USH2A: variants seen among roughly 807,000 people sequenced by gnomAD.
The protein encoded by USH2A is Usher syndrome 2A (autosomal recessive, mild).
In USH2A, 443 loss-of-function variants were observed where a neutral mutation model predicts 538.9. That is an observed-to-expected ratio of 0.82 (90% CI 0.76 to 0.89). The LOEUF is 0.89. Ranked by LOEUF, USH2A falls within the 40% of genes least tolerant of loss-of-function variation. USH2A has a pLI of 0.00. For missense variants in USH2A, 6,633 were observed against 6,324.8 expected (o/e 1.05, Z -1.65); for synonymous variants, 2,413 against 2,273.5 (o/e 1.06, Z -1.75).
intron 38 of USH2A, among the ~76,000 whole-genome samples, chr1:215,924,448 T>C (rs1032785271): frequency 1.4e-4 from 22 of 152,090 alleles, no homozygotes; most frequent in African/African-American, 2.9e-4. Flanking sequence ...TAAATGTTCA[T>C]AGAATTTTAT....
chr1:215,759,319 C>T (rs59556650), intron 57 of USH2A, among the ~76,000 whole-genome samples: 10,665 of 152,022 alleles, frequency 0.07, 739 homozygotes, highest in East Asian at 0.36. Context: ...AGAGAGTTGA[C>T]GGAAAACAAA....
chr1:216,223,501 G>A (rs1170866268), intron 14 of USH2A, among the ~76,000 whole-genome samples: 2 of 152,130 alleles, frequency 1.3e-5, no homozygotes, highest in Non-Finnish European at 1.5e-5. Flanking sequence ...TCCAAACATG[G>A]TTAAGCCTCG....
chr1:216,163,321 G>A (rs1261073372), intron 21 of USH2A, among the ~76,000 whole-genome samples: 2 of 151,712 alleles, frequency 1.3e-5, no homozygotes, highest in African/African-American at 2.4e-5. Context: ...CATTTTCATT[G>A]ATTTTATTGA....
intron 44 of USH2A, among the ~76,000 whole-genome samples, chr1:215,859,045 G>A (rs1013961135): frequency 1.3e-5 from 2 of 152,116 alleles, no homozygotes; most frequent in Non-Finnish European, 2.9e-5. Context: ...ATCGGAGAAA[G>A]GGAGAGAAGG....
At chr1:215,655,917 G>A (rs892894454) in intron 64 of USH2A, among the ~76,000 whole-genome samples, 2 of 151,814 alleles carry the variant, frequency 1.3e-5, no homozygotes, top group African/African-American at 4.8e-5. Context: ...TTGTAGTTTA[G>A]TAGAGATGGG....
intron 50 of USH2A, among the ~76,000 whole-genome samples, chr1:215,796,018 A>G (rs1662122567): frequency 8.0e-6 from 1 of 125,540 alleles, no homozygotes; most frequent in Non-Finnish European, 1.8e-5. Context: ...TGTTTTTCAA[A>G]TAAAAAATAG....
chr1:216,196,921 A>G (rs1488469751), intron 18 of USH2A, among the ~76,000 whole-genome samples, 199 bp from the exon 19 acceptor site: 1 of 152,210 alleles, frequency 6.6e-6, no homozygotes, highest in African/African-American at 2.4e-5. Context: ...TATATTCTCC[A>G]TCTTCATATT....
chr1:216,148,531 C>A (rs1486216923), intron 21 of USH2A, among the ~76,000 whole-genome samples: 1 of 152,124 alleles, frequency 6.6e-6, no homozygotes, highest in Non-Finnish European at 1.5e-5. Context: ...CCACTCAATG[C>A]CAATATCCCA....
rs553467018 is a variant in USH2A, at chr1:216,283,117, C to T, written c.1971+6163G>A. 1.7e-4 allele frequency among the ~76,000 whole-genome samples: 26 copies of T among 152,164 alleles called. No homozygotes were observed. In the South Asian group the frequency reaches 1.9e-3, roughly 11 times the overall value. On this transcript the variant is annotated intron_variant, in intron 11 of 71. Coordinates refer to ENST00000307340, the MANE Select transcript of USH2A (RefSeq NM_206933.4). ...CTGTTGTTGTTGTTAGATGTAGTCT[C>T]GTTCTGTCGCCCAGGCTGGAGTGCA...
At chr1:216,245,568 C>T (rs1371260174) in intron 13 of USH2A, among the ~76,000 whole-genome samples, 1 of 150,662 alleles carries the variant, frequency 6.6e-6, no homozygotes, top group Non-Finnish European at 1.5e-5. Context: ...GTCCTGACTG[C>T]AGTGGTCCTT....
rs78803693 is a variant in USH2A at position 216,397,421 on chromosome 1, C to T, written c.651+21093G>A. On this transcript the variant is annotated intron_variant, in intron 3 of 71. Transcript: ENST00000307340. ...GCACTGTTTCTTGATGTATCTATTG[C>T]GGTGTTTCCAGAGGAGATTGACATA... Among the ~76,000 whole-genome samples the T allele has an allele frequency of 4.6e-3, 704 of 152,202 alleles. 3 individuals carry two copies. The highest frequency in any genetic ancestry group is 0.016 in the African/African-American group (670 of 41,524).
intron 47 of USH2A, among the ~76,000 whole-genome samples, chr1:215,830,760 A>C (rs911914797): frequency 1.3e-5 from 2 of 152,212 alleles, no homozygotes; most frequent in African/African-American, 4.8e-5. Flanking sequence ...ACTATTACAT[A>C]ATTCTACAGC....
At chr1:215,782,716 T>C (rs553937221) in intron 53 of USH2A, 22 bp downstream of exon 53, 4 of 1,609,696 alleles carry the variant, frequency 2.5e-6, no homozygotes, top group South Asian at 2.2e-5. Context: ...TTGTTATTTG[T>C]ATTTTAAAGG....
chr1:216,120,659 G>A (rs541123382), intron 21 of USH2A, among the ~76,000 whole-genome samples: 3 of 152,022 alleles, frequency 2.0e-5, no homozygotes, highest in Non-Finnish European at 4.4e-5. Context: ...GACCACAAGG[G>A]CGAGCCACCG....
intron 29 of USH2A, among the ~76,000 whole-genome samples, chr1:216,070,778 T>C (rs1558241951): frequency 6.6e-6 from 1 of 151,780 alleles, no homozygotes; most frequent in African/African-American, 2.4e-5. Context: ...CAAATGCAAT[T>C]GTTTTTCTAA....
chr1:216,195,047 T>C (rs966974430), intron 19 of USH2A, among the ~76,000 whole-genome samples: 1 of 152,140 alleles, frequency 6.6e-6, no homozygotes, highest in African/African-American at 2.4e-5. Context: ...GGAAACTATA[T>C]ACCATTTGCT....
intron 58 of USH2A, among the ~76,000 whole-genome samples, chr1:215,751,719 A>C (rs1660627970): frequency 6.6e-6 from 1 of 152,148 alleles, no homozygotes; most frequent in African/African-American, 2.4e-5. Flanking sequence ...GTCCTGACCC[A>C]ATGTTGAGAG....
intron 35 of USH2A, among the ~76,000 whole-genome samples, chr1:215,980,426 A>AATC (rs745836796): frequency 3.3e-5 from 5 of 152,174 alleles, no homozygotes; most frequent in Non-Finnish European, 7.4e-5. Context: ...ACATTTTAAA[A>AATC]ATCACGTAAT....
intron 13 of USH2A, among the ~76,000 whole-genome samples, chr1:216,237,492 C>CT (rs1285191299): frequency 1.7e-5 from 2 of 114,896 alleles, no homozygotes; most frequent in Non-Finnish European, 3.5e-5. Flanking sequence ...AAGACTCCGT[C>CT]TTAAAAAAAA....
Sources: allele counts gnomAD v4.1 joint callset (sites outside exome capture counted in the v4.1 genomes callset), GRCh38; gene constraint gnomAD v4.1.1; transcripts MANE v1.5; gene names NCBI Gene and HGNC (gene_info 2026-07-23, HGNC 2026-07-21).